The following SSBP2 variants were observed in gnomAD, a reference collection of about 807,000 sequenced individuals.
SSBP2 encodes single-stranded DNA-binding protein 2.
A neutral mutation model predicts 61.8 loss-of-function variants in SSBP2; 17 were observed. That is an observed-to-expected ratio of 0.28 (90% CI 0.19 to 0.41). The LOEUF is 0.41. Among genes scored for constraint, SSBP2 ranks in the 10% least tolerant of loss-of-function variants. The pLI is 1.00. For synonymous variants in SSBP2, 139 were observed against 141.3 expected, an observed-to-expected ratio of 0.98 and a Z score of 0.12; for missense variants, 310 against 458.7, an observed-to-expected ratio of 0.68 and a Z score of 2.96.
chr5:81,645,795 G>T (rs897897861), intron 2 of SSBP2, among the ~76,000 whole-genome samples: 1 of 151,430 alleles, frequency 6.6e-6, no homozygotes, highest in Non-Finnish European at 1.5e-5. Context: ...TTCCCCTTGG[G>T]AGTAAAAAAA....
At chr5:81,466,902 T>A in intron 9 of SSBP2, 72 bp downstream of exon 9, 1 of 945,832 alleles carries the variant, frequency 1.1e-6, no homozygotes. Flanking sequence ...CTAAATAGAA[T>A]AATATGGTAT....
intron 4 of SSBP2, among the ~76,000 whole-genome samples, chr5:81,582,021 C>T (rs1041426613): frequency 6.6e-5 from 10 of 152,076 alleles, no homozygotes; most frequent in African/African-American, 2.4e-4. Context: ...CTCAGTTTTT[C>T]AAAAGCCTTT....
chr5:81,500,473 A>AAGTGCTGGAAC (rs1342581658), intron 5 of SSBP2, among the ~76,000 whole-genome samples: 2 of 150,518 alleles, frequency 1.3e-5, no homozygotes, highest in Admixed American at 1.3e-4. Context: ...TGGCATCTCA[A>AAGTGCTGGAAC]AGTGCTGGAA....
intron 6 of SSBP2, among the ~76,000 whole-genome samples, chr5:81,476,907 A>T (rs910932025): frequency 6.6e-6 from 1 of 152,128 alleles, no homozygotes; most frequent in African/African-American, 2.4e-5. Flanking sequence ...TATATTGTTC[A>T]ATGGGTTGTA....
intron 1 of SSBP2, among the ~76,000 whole-genome samples, chr5:81,721,557 T>C (rs942518435): frequency 1.3e-5 from 2 of 152,060 alleles, no homozygotes; most frequent in Non-Finnish European, 2.9e-5. Context: ...TCTAATTCTT[T>C]AGCAGTTCAG....
At chr5:81,553,632 T>C (rs1772374653) in intron 4 of SSBP2, among the ~76,000 whole-genome samples, 1 of 152,062 alleles carries the variant, frequency 6.6e-6, no homozygotes, top group South Asian at 2.1e-4. Flanking sequence ...ATCATCAAAA[T>C]ATACATATTG....
intron 5 of SSBP2, among the ~76,000 whole-genome samples, chr5:81,490,771 A>G (rs1247514686): frequency 6.6e-6 from 1 of 152,186 alleles, no homozygotes; most frequent in Non-Finnish European, 1.5e-5. Context: ...CTTCACAATT[A>G]AGTGAGCAAT....
intron 4 of SSBP2, among the ~76,000 whole-genome samples, chr5:81,518,691 C>A (rs2154091011): frequency 6.6e-6 from 1 of 152,180 alleles, no homozygotes; most frequent in East Asian, 1.9e-4. Context: ...TAGTAGGTAT[C>A]TTATGTTGGC....
At chr5:81,677,512 T>A (rs1009448280) in intron 1 of SSBP2, among the ~76,000 whole-genome samples, 2 of 151,904 alleles carry the variant, frequency 1.3e-5, no homozygotes, top group Non-Finnish European at 2.9e-5. Context: ...CGTGGACAAG[T>A]CCAAGAGTAA....
intron 1 of SSBP2, among the ~76,000 whole-genome samples, chr5:81,717,004 C>A (rs1324421255): frequency 6.6e-6 from 1 of 152,046 alleles, no homozygotes; most frequent in Non-Finnish European, 1.5e-5. Context: ...GTTAATTGTT[C>A]TTTAAATACA....
At chr5:81,750,484 G>A (rs1249956749) in intron 1 of SSBP2, among the ~76,000 whole-genome samples, 1 of 139,588 alleles carries the variant, frequency 7.2e-6, no homozygotes, top group Non-Finnish European at 1.6e-5. Flanking sequence ...AAGCCCCAGC[G>A]CCCAGGCCCC....
intron 12 of SSBP2, among the ~76,000 whole-genome samples, chr5:81,445,138 T>TTATATATGTATA (rs1763302489): frequency 3.0e-5 from 1 of 33,896 alleles, no homozygotes. Context: ...AAAAAAAATT[T>TTATATATGTATA]TATATATATA....
chr5:81,602,377 G>T (rs1744450577), intron 4 of SSBP2, among the ~76,000 whole-genome samples: 1 of 152,152 alleles, frequency 6.6e-6, no homozygotes, highest in Admixed American at 6.5e-5. Context: ...CACTCAGGCA[G>T]AAGTCCTTCT....
intron 1 of SSBP2, among the ~76,000 whole-genome samples, chr5:81,711,909 T>A (rs1754814229): frequency 6.6e-6 from 1 of 151,574 alleles, no homozygotes; most frequent in Non-Finnish European, 1.5e-5. Flanking sequence ...AAAATAAGAG[T>A]CCCTATTTCA....
chr5:81,486,003 G>A (rs1335307488), intron 6 of SSBP2, among the ~76,000 whole-genome samples: 1 of 152,026 alleles, frequency 6.6e-6, no homozygotes, highest in Non-Finnish European at 1.5e-5. Flanking sequence ...AAAAATAGTA[G>A]AAATGTAAAT....
intron 4 of SSBP2, among the ~76,000 whole-genome samples, chr5:81,599,344 T>C (rs1744111187): frequency 6.6e-6 from 1 of 152,226 alleles, no homozygotes; most frequent in Non-Finnish European, 1.5e-5. Flanking sequence ...CCCTATTCTT[T>C]GATAAAAACA....
At chr5:81,536,754 G>A (rs890243400) in intron 4 of SSBP2, among the ~76,000 whole-genome samples, 3 of 152,082 alleles carry the variant, frequency 2.0e-5, no homozygotes, top group Non-Finnish European at 4.4e-5. Context: ...AGTATGTGTT[G>A]CTATATCTTA....
chr5:81,700,306 A>G (rs1753895037), intron 1 of SSBP2, among the ~76,000 whole-genome samples: 1 of 152,216 alleles, frequency 6.6e-6, no homozygotes, highest in Non-Finnish European at 1.5e-5. Flanking sequence ...GAGCAGTGAA[A>G]AAGAAAGAAA....
chr5:81,461,941 A>G (rs1764573858), intron 9 of SSBP2, among the ~76,000 whole-genome samples: 1 of 152,226 alleles, frequency 6.6e-6, no homozygotes, highest in South Asian at 2.1e-4. Flanking sequence ...AAAGCAGACT[A>G]CTGTCAGTCG....
Sources: allele counts gnomAD v4.1 joint callset (sites outside exome capture counted in the v4.1 genomes callset), GRCh38; gene constraint gnomAD v4.1.1; transcripts MANE v1.5; gene names NCBI Gene and HGNC (gene_info 2026-07-23, HGNC 2026-07-21).